SLC5A11: variants seen among roughly 807,000 people sequenced by gnomAD.
SLC5A11 encodes the protein solute carrier family 5 member 11.
Under a neutral mutation model 69.8 loss-of-function variants are expected in SLC5A11, and 48 were observed. The ratio of observed to expected loss-of-function variants is 0.69; its 90% CI spans 0.55 to 0.87. The LOEUF (loss-of-function observed/expected upper bound fraction) is 0.87. Ranked by LOEUF, SLC5A11 falls within the 40% of genes least tolerant of loss-of-function variation. SLC5A11 has a pLI of 0.00. For missense variants in SLC5A11, 784 were observed against 866.1 expected (o/e 0.91, Z 1.19); for synonymous variants, 319 against 342.4 (o/e 0.93, Z 0.75).
intron 10 of SLC5A11, among the ~76,000 whole-genome samples, chr16:24,900,894 G>A (rs2049530026): frequency 6.8e-6 from 1 of 147,426 alleles, no homozygotes; most frequent in South Asian, 2.1e-4. Context: ...TTCTAGCCTG[G>A]ACAACATAGC....
At chr16:24,848,812 T>A (rs2059139967) in intron 1 of SLC5A11, among the ~76,000 whole-genome samples, 1 of 151,678 alleles carries the variant, frequency 6.6e-6, no homozygotes, top group Non-Finnish European at 1.5e-5. Flanking sequence ...AAAAATAAAA[T>A]AATAAAATAA....
rs180699505 is a variant in SLC5A11, at chr16:24,894,869, C to A, written c.871-3105C>A. On this transcript the variant is annotated intron_variant, in intron 9 of 15. Coordinates refer to ENST00000347898, the Ensembl canonical transcript of SLC5A11. Reference sequence around the variant, plus strand: ...GCACAGTGGCTCACACCTGTAATCCCCGCACTTTGGGAGGCTGTGAGAAGA... The same window carrying A: ...GCACAGTGGCTCACACCTGTAATCCACGCACTTTGGGAGGCTGTGAGAAGA... Among the ~76,000 whole-genome samples, 164 of 152,244 alleles carry A rather than the reference C, an allele frequency of 1.1e-3. 1 individual carries two copies. Among genetic ancestry groups the A allele is most frequent in the Non-Finnish European group, 2.1e-3 (140 of 68,008 alleles).
At chr16:24,875,807 G>A in intron 6 of SLC5A11, 76 bp downstream of exon 7, 4 of 1,168,930 alleles carry the variant, frequency 3.4e-6, no homozygotes, top group East Asian at 4.9e-5. Context: ...GCTCAGGAGT[G>A]TCTCCTCGCT....
intron 10 of SLC5A11, among the ~76,000 whole-genome samples, chr16:24,905,349 C>T (rs963354389): frequency 1.3e-5 from 2 of 149,040 alleles, no homozygotes; most frequent in African/African-American, 5.0e-5. Flanking sequence ...GAGGCTTAGG[C>T]AGGAGAATCG....
intron 2 of SLC5A11, among the ~76,000 whole-genome samples, chr16:24,861,482 AAAAG>A (rs540878575): frequency 6.1e-4 from 93 of 151,900 alleles, no homozygotes; most frequent in Non-Finnish European, 9.4e-4. Flanking sequence ...CCAGTCTCAA[AAAAG>A]AAAGAAAGAG....
At chr16:24,877,442 C>A (rs189703284) in intron 7 of SLC5A11, 79 bp downstream of exon 8, 2 of 1,044,492 alleles carry the variant, frequency 1.9e-6, no homozygotes, top group Non-Finnish European at 2.9e-6. Context: ...CCTTGCCCAT[C>A]TTCTGATGTT....
At chr16:24,847,542 A>G (rs900284897) in intron 1 of SLC5A11, among the ~76,000 whole-genome samples, 1 of 151,772 alleles carries the variant, frequency 6.6e-6, no homozygotes, top group African/African-American at 2.4e-5. Context: ...TTTTTGTACA[A>G]ATGGGGTCTC....
chr16:24,868,771 C>A (rs1229446237), intron 3 of SLC5A11, among the ~76,000 whole-genome samples: 1 of 151,420 alleles, frequency 6.6e-6, no homozygotes, highest in Non-Finnish European at 1.5e-5. Flanking sequence ...TTTCACAATT[C>A]TCTCTCCTCT....
chr16:24,862,458 C>T (rs1469531972), intron 2 of SLC5A11, 143 bp from the exon 4 acceptor site: 6 of 565,284 alleles, frequency 1.1e-5, no homozygotes, highest in Non-Finnish European at 1.9e-5. Flanking sequence ...TTATCCAAAA[C>T]TCTGGGAGAA....
intron 4 of SLC5A11, among the ~76,000 whole-genome samples, chr16:24,871,301 C>G (rs189312848): frequency 6.6e-6 from 1 of 152,084 alleles, no homozygotes; most frequent in African/African-American, 2.4e-5. Context: ...GACAGGGTCT[C>G]GCTCTGTCGC....
At chr16:24,851,103 A>G (rs2059285207) in intron 1 of SLC5A11, among the ~76,000 whole-genome samples, 1 of 150,946 alleles carries the variant, frequency 6.6e-6, no homozygotes, top group African/African-American at 2.4e-5. Flanking sequence ...AAGCCACTGC[A>G]CCCGGCCTAG....
intron 8 of SLC5A11, 63 bp from the exon 10 acceptor site, chr16:24,890,806 C>CTA: frequency 1.3e-6 from 2 of 1,502,636 alleles, no homozygotes; most frequent in Admixed American, 3.3e-5. Flanking sequence ...CTCCAGCCAT[C>CTA]TCCTCATCAC....
intron 1 of SLC5A11, among the ~76,000 whole-genome samples, chr16:24,849,593 A>AAT (rs1555515955): frequency 0.029 from 1,031 of 35,820 alleles, 55 homozygotes; most frequent in East Asian, 0.063. Flanking sequence ...AAAAAAAAAA[A>AAT]ATATATATAT....
intron 1 of SLC5A11, among the ~76,000 whole-genome samples, chr16:24,858,200 T>C (rs374210334): frequency 6.6e-6 from 1 of 152,164 alleles, no homozygotes; most frequent in Non-Finnish European, 1.5e-5. Flanking sequence ...TGGAACAAGA[T>C]TATGGTGTCT....
chr16:24,907,140 T>G, exon 12 of SLC5A11: 3 of 1,614,056 alleles, frequency 1.9e-6, no homozygotes, highest in Admixed American at 3.3e-5. Context: ...ACCTCCGGCC[T>G]CGGGCATCTG....
chr16:24,903,400 G>A (rs1033047575), intron 10 of SLC5A11, among the ~76,000 whole-genome samples: 3 of 152,068 alleles, frequency 2.0e-5, no homozygotes, highest in South Asian at 2.1e-4. Flanking sequence ...ACAATAAATT[G>A]TTGTGAATTA....
At chr16:24,877,772 T>G (rs2047775432) in intron 7 of SLC5A11, among the ~76,000 whole-genome samples, 2 of 151,682 alleles carry the variant, frequency 1.3e-5, no homozygotes, top group South Asian at 4.2e-4. Flanking sequence ...GATCACGAGG[T>G]CAGGAGTTCA....
chr16:24,892,267 T>A (rs2048862730), intron 9 of SLC5A11, among the ~76,000 whole-genome samples: 1 of 151,774 alleles, frequency 6.6e-6, no homozygotes, highest in South Asian at 2.1e-4. Flanking sequence ...GGAGGTATCA[T>A]TCAGAAGTGA....
chr16:24,901,689 G>A (rs755803287), intron 10 of SLC5A11, among the ~76,000 whole-genome samples: 16 of 151,946 alleles, frequency 1.1e-4, no homozygotes, highest in South Asian at 2.1e-4. Context: ...TCTTCCAAGC[G>A]TTATTCTAGA....
Sources: allele counts gnomAD v4.1 joint callset (sites outside exome capture counted in the v4.1 genomes callset), GRCh38; gene constraint gnomAD v4.1.1; transcripts MANE v1.5; gene names NCBI Gene and HGNC (gene_info 2026-07-23, HGNC 2026-07-21).